The following ANK3 variants were observed in gnomAD, a reference collection of about 807,000 sequenced individuals.
ANK3 encodes the protein ankyrin-3.
ANK3 carries 57 observed loss-of-function variants against 370.9 expected under a neutral mutation model. The observed-to-expected ratio is 0.15, with a 90% CI of 0.12 to 0.19. The LOEUF (loss-of-function observed/expected upper bound fraction) is 0.19. ANK3 is among the 10% of genes least tolerant of loss of function. The pLI is 1.00. For synonymous variants in ANK3, 1,929 were observed against 1,946.3 expected, an observed-to-expected ratio of 0.99 and a Z score of 0.23; for missense variants, 4,439 against 5,302.1, an observed-to-expected ratio of 0.84 and a Z score of 5.06.
At chr10:60,530,938 C>G (rs991321685) in intron 2 of ANK3, among the ~76,000 whole-genome samples, 1 of 152,068 alleles carries the variant, frequency 6.6e-6, no homozygotes, top group Non-Finnish European at 1.5e-5. Flanking sequence ...CTCCACCCTT[C>G]CTTACACAAG....
intron 1 of ANK3, among the ~76,000 whole-genome samples, chr10:60,639,367 G>C (rs978190039): frequency 6.6e-6 from 1 of 150,448 alleles, no homozygotes; most frequent in Non-Finnish European, 1.5e-5. Flanking sequence ...TCCACTAAAA[G>C]ATGGAAATTT....
At chr10:60,434,802 A>G (rs534334716) in intron 2 of ANK3, among the ~76,000 whole-genome samples, 25 of 152,346 alleles carry the variant, frequency 1.6e-4, no homozygotes, top group Middle Eastern at 6.8e-3. Context: ...CAATAACTTT[A>G]CACTTTAGAA....
At chr10:60,046,312 T>A (rs2076954208) in intron 42 of ANK3, among the ~76,000 whole-genome samples, 1 of 152,204 alleles carries the variant, frequency 6.6e-6, no homozygotes, top group African/African-American at 2.4e-5. Context: ...AAAGTTTTCC[T>A]TATAGCTTAA....
chr10:60,073,832 G>A lies in ANK3; in HGVS notation c.7049C>T (p.Thr2350Ile). Residue 2350 changes from threonine to isoleucine, a missense_variant, in exon 37 of 44, where the codon ACC becomes ATC. Coordinates refer to ENST00000280772, the MANE Select transcript of ANK3 (RefSeq NM_020987.5). Reference protein sequence around the residue: ...AEPTEVIIRETKKHPEKEMYV... With the variant: ...AEPTEVIIREIKKHPEKEMYV... ...CATTTCTTTTTCTGGATGCTTTTTG[G>A]TTTCTCTAATAATGACTTCAGTGGG... The A allele has an allele frequency of 1.9e-6, 3 of 1,613,420 alleles. No homozygotes were observed. The highest frequency in any genetic ancestry group is 1.7e-6 in the Non-Finnish European group (2 of 1,179,960).
rs187318341 is a variant in ANK3 at position 60,102,329 on chromosome 10, C to A, written c.3328+3576G>T. 2.6e-5 allele frequency among the ~76,000 whole-genome samples: 4 copies of A among 152,136 alleles called. No homozygotes were observed. The East Asian group carries it at 7.7e-4, about 29-fold the overall frequency. On this transcript the variant is annotated intron_variant, in intron 28 of 43. Coordinates refer to ENST00000280772, the MANE Select transcript of ANK3 (RefSeq NM_020987.5). ...CGGCAGTTGTGACTATGACTAAACACTGATTGAGTGATTCTCATATATCAG... is the reference window on the plus strand; with the variant it reads ...CGGCAGTTGTGACTATGACTAAACAATGATTGAGTGATTCTCATATATCAG...
Position 60,279,127 on chromosome 10 carries a change from G to C in ANK3, c.238C>G (p.Leu80Val), listed in dbSNP as rs755900252. 1 of 1,613,796 alleles carries C rather than the reference G, an allele frequency of 6.2e-7. No individual in the cohort carries two copies. The highest frequency in any genetic ancestry group is 8.5e-7 in the Non-Finnish European group (1 of 1,179,854). The change falls in exon 3 of 44, where the codon CTT (leucine) becomes GTT (valine). Residue 80 changes from leucine (L) to valine (V), a missense_variant. Coordinates refer to ENST00000280772, the MANE Select transcript of ANK3 (RefSeq NM_020987.5). Reference sequence around the variant, plus strand: ...TCTACATGGCCTTCTTTGGAAGCAAGGTGGAGAGCGTTCAACCCATTCTGA... The same window carrying C: ...TCTACATGGCCTTCTTTGGAAGCAACGTGGAGAGCGTTCAACCCATTCTGA... ...CNQNGLNALH[L>V]ASKEGHVEVV...
chr10:60,131,848 G>A (rs930421804), intron 25 of ANK3, among the ~76,000 whole-genome samples: 5 of 152,072 alleles, frequency 3.3e-5, no homozygotes, highest in African/African-American at 1.2e-4. Context: ...TTCCAATTTC[G>A]GGCCCTTGAC....
At chr10:60,548,177 T>C (rs970760535) in intron 2 of ANK3, among the ~76,000 whole-genome samples, 51 of 150,830 alleles carry the variant, frequency 3.4e-4, no homozygotes, top group Non-Finnish European at 6.9e-4. Flanking sequence ...TATAATCAAA[T>C]GAATTTCAAA....
intron 7 of ANK3, among the ~76,000 whole-genome samples, chr10:60,255,253 C>A (rs949401257): frequency 4.6e-5 from 7 of 152,160 alleles, no homozygotes; most frequent in African/African-American, 1.7e-4. Flanking sequence ...TTTTTACATT[C>A]ATTGCCTTCT....
chr10:60,720,702 T>A (rs2079851467), intron 1 of ANK3, among the ~76,000 whole-genome samples: 1 of 152,128 alleles, frequency 6.6e-6, no homozygotes. Flanking sequence ...AGCCTCCACA[T>A]CTTGGGCTCA....
At chr10:60,731,876 T>C (rs1232388660) in intron 1 of ANK3, among the ~76,000 whole-genome samples, 1 of 152,144 alleles carries the variant, frequency 6.6e-6, no homozygotes, top group Non-Finnish European at 1.5e-5. Context: ...CTTCCAAAAT[T>C]AGACAACCCA....
intron 2 of ANK3, among the ~76,000 whole-genome samples, chr10:60,584,056 T>C (rs571734395): frequency 2.6e-4 from 40 of 152,302 alleles, no homozygotes; most frequent in African/African-American, 9.6e-4. Flanking sequence ...TGATGGTTCT[T>C]ATTATCTTAA....
At chr10:60,633,875 C>G (rs2133342830) in intron 1 of ANK3, among the ~76,000 whole-genome samples, 1 of 152,268 alleles carries the variant, frequency 6.6e-6, no homozygotes, top group Admixed American at 6.5e-5. Context: ...TGAATATCTG[C>G]TGTTGTTTTT....
At chr10:60,059,235 A>G in intron 41 of ANK3, 105 bp downstream of exon 41, 1 of 964,804 alleles carries the variant, frequency 1.0e-6, no homozygotes, top group Non-Finnish European at 1.7e-6. Flanking sequence ...TTATCCCAGA[A>G]CTAGAATGGT....
At chr10:60,434,707 T>C (rs2064114158) in intron 2 of ANK3, among the ~76,000 whole-genome samples, 1 of 152,188 alleles carries the variant, frequency 6.6e-6, no homozygotes. Flanking sequence ...CATCCCAGAG[T>C]ACGACTAGAT....
intron 2 of ANK3, among the ~76,000 whole-genome samples, chr10:60,559,216 A>T (rs1434685333): frequency 6.6e-6 from 1 of 152,162 alleles, no homozygotes; most frequent in Admixed American, 6.5e-5. Flanking sequence ...CCCATCACCC[A>T]AGCAGTGTAC....
intron 2 of ANK3, among the ~76,000 whole-genome samples, chr10:60,591,906 A>C (rs2077920549): frequency 6.6e-6 from 1 of 152,224 alleles, no homozygotes; most frequent in African/African-American, 2.4e-5. Flanking sequence ...AGAGAGCAGA[A>C]GCATGATTAC....
chr10:60,604,174 A>G (rs1278555105), intron 2 of ANK3, among the ~76,000 whole-genome samples: 2 of 152,168 alleles, frequency 1.3e-5, no homozygotes, highest in East Asian at 3.8e-4. Context: ...TTTATGTCAA[A>G]GAGTGCACAA....
chr10:60,361,328 G>A (rs2058576684), intron 1 of ANK3, among the ~76,000 whole-genome samples: 1 of 152,112 alleles, frequency 6.6e-6, no homozygotes, highest in South Asian at 2.1e-4. Context: ...CTGCTCTCGG[G>A]AGTTTTCACC....
Sources: gnomAD v4.1 joint callset for allele counts (sites outside exome capture counted in the v4.1 genomes callset) on GRCh38, gnomAD v4.1.1 for gene constraint, MANE v1.5 for transcripts, NCBI Gene and HGNC (gene_info 2026-07-23, HGNC 2026-07-21) for gene names.